LY86: variants seen among roughly 807,000 people sequenced by gnomAD.
LY86 encodes lymphocyte antigen 86.
LY86 carries 20 observed loss-of-function variants against 17.3 expected under a neutral mutation model. The ratio of observed to expected loss-of-function variants is 1.15; its 90% CI spans 0.81 to 1.68. LY86 has a LOEUF of 1.68. Among genes scored for constraint, LY86 ranks in the 40% most tolerant of loss-of-function variants. LY86 has a pLI of 0.00. For missense variants in LY86, 200 were observed against 191.9 expected (o/e 1.04, Z -0.25); for synonymous variants, 74 against 70.6 (o/e 1.05, Z -0.24).
intron 1 of LY86, among the ~76,000 whole-genome samples, chr6:6,600,990 T>C (rs1050529588): frequency 9.2e-5 from 14 of 152,228 alleles, no homozygotes; most frequent in Non-Finnish European, 1.9e-4. Flanking sequence ...GGGCAATTCA[T>C]GTGTAAATAA....
chr6:6,590,676 T>A (rs1453741004), intron 1 of LY86, among the ~76,000 whole-genome samples: 3 of 152,206 alleles, frequency 2.0e-5, no homozygotes, highest in African/African-American at 7.2e-5. Flanking sequence ...CATTGTGATA[T>A]CTGCCACTTT....
At chr6:6,595,130 G>T in intron 1 of LY86, among the ~76,000 whole-genome samples, 1 of 151,284 alleles carries the variant, frequency 6.6e-6, no homozygotes, top group Admixed American at 6.6e-5. Context: ...GAGGGAGGTG[G>T]TGAGGGAGAG....
chr6:6,613,267 C>CT lies in LY86; in HGVS notation c.137-11659_137-11658insT, dbSNP rs372080981. Among the ~76,000 whole-genome samples, 898 of 152,388 alleles carry CT rather than the reference C, an allele frequency of 5.9e-3. 2 individuals carry two copies. Among genetic ancestry groups the CT allele is most frequent in the Non-Finnish European group, 9.2e-3 (624 of 68,034 alleles). ...GTGGAGCTGCCTGCCAATCCCGCGC[C>CT]GTGCGCCCGCACTCCTCAGCCCTTG... On this transcript the variant is annotated intron_variant, in intron 1 of 4. Transcript: ENST00000230568.
chr6:6,603,853 TAAG>T (rs1261782213), intron 1 of LY86, among the ~76,000 whole-genome samples: 14 of 151,204 alleles, frequency 9.3e-5, no homozygotes, highest in African/African-American at 2.7e-4. Flanking sequence ...AGTAATAAAT[TAAG>T]AAATAATAAA....
intron 3 of LY86, among the ~76,000 whole-genome samples, chr6:6,648,820 C>A (rs185166085): frequency 5.9e-5 from 9 of 152,102 alleles, no homozygotes; most frequent in African/African-American, 2.2e-4. Flanking sequence ...TGTCCACAGT[C>A]AACTAATCTT....
At chr6:6,595,473 A>T (rs1312589824) in intron 1 of LY86, among the ~76,000 whole-genome samples, 1 of 151,552 alleles carries the variant, frequency 6.6e-6, no homozygotes, top group Non-Finnish European at 1.5e-5. Flanking sequence ...AGAGGAAAGG[A>T]GGGGAGAGAT....
chr6:6,648,857 C>T (rs1030257557), intron 3 of LY86, among the ~76,000 whole-genome samples: 29 of 152,244 alleles, frequency 1.9e-4, no homozygotes, highest in African/African-American at 6.7e-4. Flanking sequence ...TAACCTGGAT[C>T]CAGCCTGGCC....
In LY86 at chr6:6,613,608, G is replaced by T. The variant is rs577431090; in HGVS notation, c.137-11318G>T. On this transcript the variant is annotated intron_variant, in intron 1 of 4. Transcript: ENST00000230568. ...GGCCCGCAAGCGCCGCGCGCCGCCC[G>T]GGTTCCCGCCTGCGCTTCCCCCTTC... Among the ~76,000 whole-genome samples the T allele has an allele frequency of 5.9e-5, 9 of 152,266 alleles. No individual in the cohort carries two copies. In the South Asian group the frequency reaches 1.7e-3, roughly 28 times the overall value.
intron 3 of LY86, among the ~76,000 whole-genome samples, chr6:6,634,507 TTGTAA>T (rs137877022): frequency 6.6e-6 from 1 of 152,384 alleles, no homozygotes; most frequent in Non-Finnish European, 1.5e-5. Context: ...AGAGATTCTG[TTGTAA>T]TGCTCACTGA....
chr6:6,617,805 G>A (rs1333756336), intron 1 of LY86, among the ~76,000 whole-genome samples: 1 of 152,100 alleles, frequency 6.6e-6, no homozygotes, highest in African/African-American at 2.4e-5. Flanking sequence ...CTTGCACTTA[G>A]TGCATTTGGT....
intron 3 of LY86, among the ~76,000 whole-genome samples, chr6:6,638,222 GA>G (rs1373163436): frequency 6.6e-6 from 1 of 152,110 alleles, no homozygotes; most frequent in African/African-American, 2.4e-5. Context: ...TACAAAGTAT[GA>G]AAAAAATAAT....
chr6:6,646,313 C>T (rs1015426728), intron 3 of LY86, among the ~76,000 whole-genome samples: 1 of 152,178 alleles, frequency 6.6e-6, no homozygotes, highest in Non-Finnish European at 1.5e-5. Flanking sequence ...TGCTCTTAGC[C>T]ACGATGCTTC....
chr6:6,589,086 C>T (rs981888007), intron 1 of LY86, among the ~76,000 whole-genome samples: 10 of 152,226 alleles, frequency 6.6e-5, no homozygotes, highest in African/African-American at 2.2e-4. Flanking sequence ...GGCAGAACAA[C>T]AAAGAGTACA....
At chr6:6,604,134 C>A (rs930342361) in intron 1 of LY86, among the ~76,000 whole-genome samples, 1 of 152,138 alleles carries the variant, frequency 6.6e-6, no homozygotes, top group Admixed American at 6.5e-5. Flanking sequence ...TTAATTATCT[C>A]TATGGGGTCA....
intron 1 of LY86, among the ~76,000 whole-genome samples, chr6:6,604,631 T>C (rs1761037639): frequency 6.6e-6 from 1 of 152,136 alleles, no homozygotes; most frequent in African/African-American, 2.4e-5. Context: ...CTGAAAATTT[T>C]CCAGAACTGC....
chr6:6,590,352 C>T (rs1006777371), intron 1 of LY86, among the ~76,000 whole-genome samples: 22 of 152,102 alleles, frequency 1.4e-4, no homozygotes, highest in African/African-American at 5.1e-4. Flanking sequence ...CTAGACAATT[C>T]GTGTTCCTGG....
chr6:6,606,026 C>G (rs936934005), intron 1 of LY86, among the ~76,000 whole-genome samples: 3 of 152,214 alleles, frequency 2.0e-5, no homozygotes, highest in African/African-American at 4.8e-5. Flanking sequence ...ACTTCCACAG[C>G]ACGTAATACT....
chr6:6,625,895 T>A (rs575123809), intron 2 of LY86, among the ~76,000 whole-genome samples: 11 of 152,212 alleles, frequency 7.2e-5, no homozygotes, highest in African/African-American at 2.2e-4. Flanking sequence ...CTGCAATACC[T>A]CCCTGGCAAC....
chr6:6,595,689 A>G (rs919821169), intron 1 of LY86, among the ~76,000 whole-genome samples: 6 of 152,234 alleles, frequency 3.9e-5, no homozygotes, highest in Non-Finnish European at 8.8e-5. Context: ...AGTGATGTCT[A>G]GAAATGACAT....
Sources: gnomAD v4.1 joint callset for allele counts (sites outside exome capture counted in the v4.1 genomes callset) on GRCh38, gnomAD v4.1.1 for gene constraint, MANE v1.5 for transcripts, NCBI Gene and HGNC (gene_info 2026-07-23, HGNC 2026-07-21) for gene names.